ITGA9: variants seen among roughly 807,000 people sequenced by gnomAD.
ITGA9 encodes the protein integrin subunit alpha 9.
In ITGA9, 56 loss-of-function variants were observed where a neutral mutation model predicts 127.8. That is an observed-to-expected ratio of 0.44 (90% confidence interval 0.35 to 0.55). The LOEUF is 0.55. ITGA9 is among the 20% of genes least tolerant of loss of function. The pLI is 0.00. For synonymous variants in ITGA9, 508 were observed against 514.5 expected, an observed-to-expected ratio of 0.99 and a Z score of 0.17; for missense variants, 1,196 against 1,347.1, an observed-to-expected ratio of 0.89 and a Z score of 1.76.
intron 10 of ITGA9, 114 bp downstream of exon 10, chr3:37,517,723 C>T: frequency 1.3e-6 from 1 of 793,270 alleles, no homozygotes; most frequent in Non-Finnish European, 2.1e-6. Flanking sequence ...CCTGGGTCTA[C>T]TGATCCCCTT....
intron 15 of ITGA9, among the ~76,000 whole-genome samples, chr3:37,595,923 G>A (rs1283574575): frequency 2.6e-5 from 4 of 152,172 alleles, no homozygotes; most frequent in Non-Finnish European, 5.9e-5. Context: ...AGGTCAAACC[G>A]CTGCTTCCTG....
At chr3:37,459,338 C>A (rs1307154118) in intron 1 of ITGA9, among the ~76,000 whole-genome samples, 1 of 152,122 alleles carries the variant, frequency 6.6e-6, no homozygotes, top group Non-Finnish European at 1.5e-5. Flanking sequence ...AGATCTAGAG[C>A]CTTGGAAGTC....
At chr3:37,744,940 A>T (rs555765143) in intron 22 of ITGA9, among the ~76,000 whole-genome samples, 2 of 152,220 alleles carry the variant, frequency 1.3e-5, no homozygotes, top group African/African-American at 2.4e-5. Context: ...CCCTGTGTGG[A>T]TGAAGTGAAG....
chr3:37,713,378 G>T, intron 18 of ITGA9, among the ~76,000 whole-genome samples: 1 of 152,080 alleles, frequency 6.6e-6, no homozygotes, highest in East Asian at 1.9e-4. Context: ...ATCAGCTGAG[G>T]CCACACAAAG....
intron 15 of ITGA9, among the ~76,000 whole-genome samples, chr3:37,547,330 C>T (rs908810873): frequency 9.9e-5 from 15 of 152,182 alleles, no homozygotes; most frequent in Admixed American, 2.0e-4. Context: ...GCAGCTCCTT[C>T]CTTGCTTTTG....
chr3:37,638,217 A>AC (rs1700299565), intron 16 of ITGA9, among the ~76,000 whole-genome samples: 1 of 152,196 alleles, frequency 6.6e-6, no homozygotes, highest in Non-Finnish European at 1.5e-5. Context: ...AATAATCATC[A>AC]AAAGAAACAT....
intron 3 of ITGA9, among the ~76,000 whole-genome samples, chr3:37,480,971 C>T (rs1450578736): frequency 6.6e-6 from 1 of 152,248 alleles, no homozygotes; most frequent in Admixed American, 6.5e-5. Context: ...GCTGAAGTCA[C>T]AGCCATTCCT....
Position 37,629,120 on chromosome 3 carries a change from CTG to C in ITGA9, c.1690-64_1690-63del, listed in dbSNP as rs952874375. 2 of 1,576,860 alleles carry C rather than the reference CTG, an allele frequency of 1.3e-6. No individual in the cohort carries two copies. Among genetic ancestry groups the C allele is most frequent in the South Asian group, 1.1e-5 (1 of 90,162 alleles). On this transcript the variant is annotated intron_variant, in intron 15 of 27. Coordinates refer to ENST00000264741, the MANE Select transcript of ITGA9 (RefSeq NM_002207.3). The surrounding 1 kb of genome is among the most constrained non-coding windows in gnomAD (Gnocchi z 4.5). ...AATTCATGTAGAAGGTCTTTGTAAA[CTG>C]TGAAATGCTCTACGACTGTCAGCCA...
intron 12 of ITGA9, 116 bp downstream of exon 12, chr3:37,523,727 C>T (rs1335695403): frequency 2.5e-6 from 2 of 787,422 alleles, no homozygotes; most frequent in Non-Finnish European, 2.3e-6. Context: ...ACAATTCACA[C>T]AATAGAATAG....
At chr3:37,624,189 GA>G (rs901035168) in intron 15 of ITGA9, among the ~76,000 whole-genome samples, 6 of 104,312 alleles carry the variant, frequency 5.8e-5, no homozygotes, top group African/African-American at 1.5e-4. Flanking sequence ...AGCTAAGGAA[GA>G]AAAAAAACCC....
chr3:37,705,465 TG>T (rs1222072320), intron 18 of ITGA9, among the ~76,000 whole-genome samples: 2 of 152,184 alleles, frequency 1.3e-5, no homozygotes, highest in Non-Finnish European at 1.5e-5. Flanking sequence ...CAAGGCCAAA[TG>T]GCATACCAGG....
intron 15 of ITGA9, among the ~76,000 whole-genome samples, chr3:37,585,795 G>GCCCC (rs140414819): frequency 1.6e-5 from 2 of 128,546 alleles, no homozygotes; most frequent in South Asian, 4.3e-4. Context: ...GGAAGAAGGG[G>GCCCC]GCCCCCCCAA....
chr3:37,536,915 C>T (rs1699213376), intron 14 of ITGA9, among the ~76,000 whole-genome samples: 1 of 152,222 alleles, frequency 6.6e-6, no homozygotes, highest in Non-Finnish European at 1.5e-5. Flanking sequence ...AGGTCTGCAC[C>T]AGTGGATCTC....
intron 6 of ITGA9, among the ~76,000 whole-genome samples, chr3:37,504,507 C>T (rs751216118): frequency 2.0e-5 from 3 of 152,126 alleles, no homozygotes; most frequent in Non-Finnish European, 2.9e-5. Flanking sequence ...GGGCTGGGAG[C>T]ACCTTGAAGA....
intron 7 of ITGA9, 79 bp downstream of exon 7, chr3:37,506,164 G>A (rs747214738): frequency 1.5e-5 from 16 of 1,079,206 alleles, no homozygotes; most frequent in Non-Finnish European, 2.0e-5. Flanking sequence ...AGGTTTGCCA[G>A]CTGACATTGA....
chr3:37,645,475 C>T (rs1295426781), intron 16 of ITGA9, among the ~76,000 whole-genome samples: 1 of 151,908 alleles, frequency 6.6e-6, no homozygotes, highest in Non-Finnish European at 1.5e-5. Flanking sequence ...GGCTGAGGCA[C>T]GAGACTTGAA....
chr3:37,672,444 C>A (rs1225958043), intron 17 of ITGA9, among the ~76,000 whole-genome samples: 1 of 152,194 alleles, frequency 6.6e-6, no homozygotes, highest in Non-Finnish European at 1.5e-5. Flanking sequence ...CACCTTCCGC[C>A]ATGGTTGTGA....
chr3:37,611,975 G>A (rs945637510), intron 15 of ITGA9, among the ~76,000 whole-genome samples: 1 of 152,066 alleles, frequency 6.6e-6, no homozygotes, highest in African/African-American at 2.4e-5. Context: ...CATCTATCCA[G>A]GACCAAATTC....
At position 37,685,806 on chromosome 3, in the gene ITGA9, T is replaced by A. The variant is rs139669136; in HGVS notation, c.2067+1791T>A. On this transcript the variant is annotated intron_variant, in intron 18 of 27. Coordinates refer to ENST00000264741, the MANE Select transcript of ITGA9 (RefSeq NM_002207.3). The stretch of plus-strand genomic sequence containing the variant: ...TTGTGACTGACTAGGCTTCATTCTC[T>A]TTATTGGCTGCTAGAAAGCTCAGAG... 2.0e-5 allele frequency among the ~76,000 whole-genome samples: 3 copies of A among 152,326 alleles called. No homozygotes were observed. In the East Asian group the frequency reaches 5.8e-4, roughly 29 times the overall value.
Sources: allele counts gnomAD v4.1 joint callset (sites outside exome capture counted in the v4.1 genomes callset), GRCh38; gene constraint gnomAD v4.1.1; non-coding constraint Gnocchi (gnomAD v3.1); transcripts MANE v1.5; gene names NCBI Gene and HGNC (gene_info 2026-07-23, HGNC 2026-07-21).